CDON: variants seen among roughly 807,000 people sequenced by gnomAD.
CDON encodes cell adhesion associated, oncogene regulated.
CDON carries 73 observed loss-of-function variants against 120.9 expected under a neutral mutation model. The ratio of observed to expected loss-of-function variants is 0.60; its 90% CI spans 0.50 to 0.73. The LOEUF (loss-of-function observed/expected upper bound fraction) is 0.73, where lower values mean the gene tolerates loss of function less well. Among genes scored for constraint, CDON ranks in the 30% least tolerant of loss-of-function variants. The probability of loss-of-function intolerance (pLI) is 0.00; values close to 1 mark genes in which losing one functional copy is unlikely to be tolerated. For synonymous variants in CDON, 566 were observed against 573.5 expected (o/e 0.99, Z 0.19); for missense variants, 1,470 against 1,587.3 (o/e 0.93, Z 1.26).
rs975911787 is a variant in CDON at position 126,010,804 on chromosome 11, T to G, written c.1199-110A>C. On this transcript the variant is annotated intron_variant, in intron 7 of 19. Coordinates refer to ENST00000531738, the MANE Select transcript of CDON (RefSeq NM_001378964.1). ...GTGGGAGTAATGATTAAAACCAAGATAGCTACCTCCTTATTAGTTCCCTTC... is the reference window on the plus strand; with the variant it reads ...GTGGGAGTAATGATTAAAACCAAGAGAGCTACCTCCTTATTAGTTCCCTTC... 7.3e-6 allele frequency: 6 copies of G among 819,648 alleles called. No homozygotes were observed. In the Admixed American group the frequency reaches 8.0e-5, roughly 11 times the overall value. 50.8% of individuals were successfully genotyped at this position (819,648 alleles called of 1,614,324 possible).
At chr11:126,051,343 CAGAT>C (rs1270475290) in intron 1 of CDON, among the ~76,000 whole-genome samples, 9 of 152,146 alleles carry the variant, frequency 5.9e-5, no homozygotes, top group African/African-American at 1.9e-4. Context: ...AAGTAAAACA[CAGAT>C]AGTGTTTTCT....
intron 18 of CDON, among the ~76,000 whole-genome samples, chr11:125,968,483 G>A (rs1945867889): frequency 2.6e-5 from 4 of 152,190 alleles, no homozygotes; most frequent in South Asian, 2.1e-4. Flanking sequence ...GTGGTTATCA[G>A]CGTGTCGACA....
At chr11:126,045,216 C>T (rs146817922) in intron 1 of CDON, among the ~76,000 whole-genome samples, 1,955 of 152,102 alleles carry the variant, frequency 0.013, 29 homozygotes, top group African/African-American at 0.045. Flanking sequence ...TTAGTAGAGA[C>T]GGAGTTTCAC....
chr11:125,996,935 A>C (rs1336032097), intron 12 of CDON, among the ~76,000 whole-genome samples: 1 of 152,112 alleles, frequency 6.6e-6, no homozygotes, highest in Non-Finnish European at 1.5e-5. Context: ...GCACTTTAGT[A>C]GGAGACCGAG....
At chr11:126,005,315 AAAACAAACAAACAAAC>A (rs1383814254) in intron 9 of CDON, 5 of 29,240 alleles carry the variant, frequency 1.7e-4, no homozygotes, top group African/African-American at 4.3e-4. Flanking sequence ...AAAAAAAAAA[AAAACAAACAAACAAAC>A]AAAAAAAAAC....
At chr11:125,980,809 A>G (rs745586766) in intron 17 of CDON, among the ~76,000 whole-genome samples, 1 of 152,218 alleles carries the variant, frequency 6.6e-6, no homozygotes, top group Non-Finnish European at 1.5e-5. Flanking sequence ...CTGGTATTCC[A>G]CTTTCAGTGT....
rs1482284270 is a variant in CDON at position 126,018,370 on chromosome 11, T to C, written c.600A>G (p.Gln200=). 4 of 1,614,086 alleles carry C rather than the reference T, an allele frequency of 2.5e-6. No homozygotes were observed. Among genetic ancestry groups the C allele is most frequent in the Non-Finnish European group, 3.4e-6 (4 of 1,179,952 alleles). ...TTCGGCCAATAGGTTCAACTTTTAA[T>C]TGATGTGTGACAGGATTATAAGCTG... is the stretch of plus-strand genomic sequence containing the variant. ...KCAAYNPVTH[Q]LKVEPIGRKL... is the part of the protein sequence containing the mutation. Residue 200 remains glutamine, a synonymous_variant, in exon 5 of 20, where the codon CAA becomes CAG. Coordinates refer to ENST00000531738, the MANE Select transcript of CDON (RefSeq NM_001378964.1).
intron 1 of CDON, among the ~76,000 whole-genome samples, chr11:126,050,259 T>G (rs1948521934): frequency 6.6e-6 from 1 of 151,896 alleles, no homozygotes; most frequent in African/African-American, 2.4e-5. Context: ...ATTTAGCTAT[T>G]TTAATCTATT....
In CDON at chr11:126,005,752, A is replaced by T; in HGVS notation, c.1851+7T>A. The T allele has an allele frequency of 6.2e-7, 1 of 1,612,238 alleles. No homozygotes were observed. ...GCCGAGAAAGATGATAAACGACAAG[A>T]CATTACCTTTCGATACTTCACAAAG... On this transcript the variant is annotated splice_region_variant and intron_variant, in intron 9 of 19. Transcript: ENST00000531738.
rs117481757 is a variant in CDON, at chr11:125,965,275, T to A, written c.3357-3277A>T. ...TAAATTCCTGACTTCTGGCTATGGC[T>A]GATTAGCTTGTATCAGAACAATTCT... On this transcript the variant is annotated intron_variant, in intron 18 of 19. Transcript: ENST00000531738. Among the ~76,000 whole-genome samples the A allele has an allele frequency of 4.2e-3, 638 of 152,312 alleles. 1 individual carries two copies. Among genetic ancestry groups the A allele is most frequent in the Non-Finnish European group, 7.0e-3 (475 of 68,028 alleles).
chr11:125,980,400 A>G (rs1039589334), intron 17 of CDON, among the ~76,000 whole-genome samples: 20 of 152,246 alleles, frequency 1.3e-4, no homozygotes, highest in Non-Finnish European at 2.8e-4. Flanking sequence ...AACAAACAAA[A>G]GAAGCCCATG....
rs906374471 is a variant in CDON at position 125,958,951 on chromosome 11, T to A, written c.*1991A>T. The A allele has an allele frequency of 2.0e-5, 3 of 152,190 alleles. No homozygotes were observed. The highest frequency in any genetic ancestry group is 4.4e-5 in the Non-Finnish European group (3 of 68,042). The allele number at this position is 152,190 out of a possible 1,614,324, so 9.4% of individuals were successfully genotyped here. ...TCATATTCTGTGCGCTGGGACTTTGTCCTTTGCTAGTCACAGAAGTAAGGG... is the reference window on the plus strand; with the variant it reads ...TCATATTCTGTGCGCTGGGACTTTGACCTTTGCTAGTCACAGAAGTAAGGG... On this transcript the variant is annotated 3_prime_UTR_variant, in exon 20 of 20. Coordinates refer to ENST00000531738, the MANE Select transcript of CDON (RefSeq NM_001378964.1).
chr11:125,970,191 T>C (rs1180835794), intron 18 of CDON, among the ~76,000 whole-genome samples: 16 of 150,516 alleles, frequency 1.1e-4, no homozygotes, highest in African/African-American at 3.9e-4. Context: ...TTTTTTTTTT[T>C]TTGAGACAGA....
intron 1 of CDON, among the ~76,000 whole-genome samples, chr11:126,051,286 T>C (rs1411085992): frequency 6.6e-6 from 1 of 152,144 alleles, no homozygotes; most frequent in Non-Finnish European, 1.5e-5. Flanking sequence ...CTTCCTTATC[T>C]TTTCCCTAAC....
At chr11:126,042,842 C>T (rs575911709) in intron 1 of CDON, among the ~76,000 whole-genome samples, 4 of 152,240 alleles carry the variant, frequency 2.6e-5, no homozygotes, top group African/African-American at 9.6e-5. Flanking sequence ...AGGCTGGTCT[C>T]GAACTCCTAA....
At chr11:126,025,786 TAA>T (rs755765125) in intron 1 of CDON, among the ~76,000 whole-genome samples, 4 of 152,116 alleles carry the variant, frequency 2.6e-5, no homozygotes, top group Non-Finnish European at 5.9e-5. Context: ...ATTGAGCAAT[TAA>T]AAATGTATAT....
Position 125,994,840 on chromosome 11 carries a change from C to T in CDON, c.2544+31G>A, listed in dbSNP as rs372543379. ...ATTGATTGTTAACATGACCAAACCA[C>T]AAAATCTCATTCCAGAAGATGTGTA... On this transcript the variant is annotated intron_variant, in intron 13 of 19. Transcript: ENST00000531738. The T allele has an allele frequency of 7.2e-5, 114 of 1,594,132 alleles. No homozygotes were observed. The African/African-American group carries it at 1.4e-3, about 19-fold the overall frequency.
At chr11:126,014,430 G>A (rs1039699468) in intron 7 of CDON, among the ~76,000 whole-genome samples, 65 of 152,322 alleles carry the variant, frequency 4.3e-4, no homozygotes, top group African/African-American at 1.6e-3. Context: ...GTTGGTGAGG[G>A]TTTGAGGAAA....
chr11:126,023,255 G>C, intron 2 of CDON, 146 bp downstream of exon 2: 1 of 772,414 alleles, frequency 1.3e-6, no homozygotes, highest in Non-Finnish European at 2.4e-6. Flanking sequence ...AATTTATCGA[G>C]TTTTTAAATC....
Sources: allele counts gnomAD v4.1 joint callset (sites outside exome capture counted in the v4.1 genomes callset), GRCh38; gene constraint gnomAD v4.1.1; transcripts MANE v1.5; gene names NCBI Gene and HGNC (gene_info 2026-07-23, HGNC 2026-07-21).